Variants in WRN observed in about 807,000 individuals in gnomAD.
The protein encoded by WRN is WRN RecQ like helicase, also known as bifunctional 3'-5' exonuclease/ATP-dependent helicase WRN.
WRN carries 149 observed loss-of-function variants against 180.7 expected under a neutral mutation model. The ratio of observed to expected loss-of-function variants is 0.82; its 90% confidence interval spans 0.72 to 0.94. WRN has a LOEUF of 0.94. WRN is among the 40% of genes least tolerant of loss of function. The probability of loss-of-function intolerance (pLI) is 0.00; values close to 1 mark genes in which losing one functional copy is unlikely to be tolerated. For missense variants in WRN, 1,661 were observed against 1,700.1 expected (o/e 0.98, Z 0.40); for synonymous variants, 548 against 568.9 (o/e 0.96, Z 0.52).
intron 18 of WRN, among the ~76,000 whole-genome samples, chr8:31,103,167 GT>G (rs1800946531): frequency 6.6e-6 from 1 of 152,170 alleles, no homozygotes; most frequent in Admixed American, 6.5e-5. Flanking sequence ...GCTGTCATCT[GT>G]GATAACAATG....
intron 23 of WRN, among the ~76,000 whole-genome samples, chr8:31,128,118 C>T (rs1362968849): frequency 6.6e-6 from 1 of 151,344 alleles, no homozygotes; most frequent in Non-Finnish European, 1.5e-5. Flanking sequence ...CCAGCAAATA[C>T]ATAAAGCACA....
chr8:31,123,702 GTTTTC>G (rs1179251976), intron 21 of WRN, among the ~76,000 whole-genome samples: 1 of 151,802 alleles, frequency 6.6e-6, no homozygotes, highest in East Asian at 1.9e-4. Flanking sequence ...GTAAATCGTT[GTTTTC>G]TTTTGAAATA....
In WRN at chr8:31,173,029, T is replaced by C. The variant is rs1804161839; in HGVS notation, c.4226T>C (p.Val1409Ala). 6.2e-7 allele frequency: 1 copy of C among 1,613,982 alleles called. No homozygotes were observed. Among genetic ancestry groups the C allele is most frequent in the Non-Finnish European group, 8.5e-7 (1 of 1,179,962 alleles). ...GCAGAGAGAAAGAGACGATTACCTG[T>C]GTGGTTTGCCAAAGGAAGTGATACC... is the stretch of plus-strand genomic sequence containing the variant. ...SSAERKRRLP[V>A]WFAKGSDTSK... Residue 1409 changes from valine (V) to alanine (A), a missense_variant, in exon 35 of 35, where the codon GTG becomes GCG. Physicochemically the swap from Val to Ala is moderately conservative, Grantham distance 64. Coordinates refer to ENST00000298139, the MANE Select transcript of WRN (RefSeq NM_000553.6).
intron 17 of WRN, among the ~76,000 whole-genome samples, chr8:31,099,830 T>C (rs567350646): frequency 2.6e-5 from 4 of 152,314 alleles, no homozygotes; most frequent in African/African-American, 7.2e-5. Flanking sequence ...GTGAATGATA[T>C]AATTTAATTT....
intron 17 of WRN, among the ~76,000 whole-genome samples, chr8:31,100,148 A>G (rs1360211761): frequency 6.6e-6 from 1 of 152,226 alleles, no homozygotes; most frequent in Non-Finnish European, 1.5e-5. Context: ...AAATCTGAAA[A>G]CATTGTCACG....
chr8:31,034,888 A>G (rs972552439), intron 1 of WRN, among the ~76,000 whole-genome samples: 1 of 152,140 alleles, frequency 6.6e-6, no homozygotes, highest in Non-Finnish European at 1.5e-5. Flanking sequence ...AGCATATGGC[A>G]TTTTATGGCT....
At chr8:31,040,047 G>A (rs566992058) in intron 1 of WRN, among the ~76,000 whole-genome samples, 4 of 152,252 alleles carry the variant, frequency 2.6e-5, no homozygotes, top group African/African-American at 9.6e-5. Context: ...AGAGGAGGTC[G>A]AATTTTGGCT....
intron 33 of WRN, among the ~76,000 whole-genome samples, chr8:31,158,651 A>G (rs537549442): frequency 1.3e-5 from 2 of 152,216 alleles, no homozygotes; most frequent in South Asian, 4.1e-4. Flanking sequence ...TTGGAAGATC[A>G]CTCTCTGAAA....
chr8:31,106,056 C>T (rs898134289), intron 18 of WRN, among the ~76,000 whole-genome samples: 1 of 152,054 alleles, frequency 6.6e-6, no homozygotes, highest in African/African-American at 2.4e-5. Flanking sequence ...CTGCTCTTTC[C>T]TCACTCTCCT....
Position 31,157,447 on chromosome 8 carries a change from C to G in WRN, c.3899C>G (p.Pro1300Arg). The change falls in exon 33 of 35, where the codon CCC (proline) becomes CGC (arginine). Residue 1300 changes from proline (P) to arginine (R), a missense_variant. Pro to Arg is a moderately radical substitution (Grantham distance 103, BLOSUM62 -2). Coordinates refer to ENST00000298139, the MANE Select transcript of WRN (RefSeq NM_000553.6). ...TCCCAAGCGGTGAAAGCTGGCTGCC[C>G]CCTTGATTTGGAGCGAGCAGGCCTG... is the stretch of plus-strand genomic sequence containing the variant. ...HLSQAVKAGC[P>R]LDLERAGLTP... The G allele has an allele frequency of 1.2e-6, 2 of 1,614,070 alleles. No individual in the cohort carries two copies. The highest frequency in any genetic ancestry group is 1.7e-6 in the Non-Finnish European group (2 of 1,179,996).
intron 9 of WRN, among the ~76,000 whole-genome samples, chr8:31,082,062 A>G (rs1197404717): frequency 6.6e-6 from 1 of 152,174 alleles, no homozygotes; most frequent in African/African-American, 2.4e-5. Flanking sequence ...TGCCTGGCCC[A>G]GAATTTCTTT....
intron 22 of WRN, 52 bp from the exon 23 acceptor site, chr8:31,124,856 T>C: frequency 1.3e-6 from 2 of 1,528,504 alleles, no homozygotes; most frequent in African/African-American, 1.4e-5. Flanking sequence ...GGAATGAACT[T>C]AACATATACG....
intron 24 of WRN, among the ~76,000 whole-genome samples, chr8:31,132,757 T>TA (rs1237257403): frequency 1.3e-5 from 2 of 152,232 alleles, no homozygotes; most frequent in Non-Finnish European, 2.9e-5. Flanking sequence ...AGCATTGTGT[T>TA]AATTTATCAC....
intron 11 of WRN, among the ~76,000 whole-genome samples, chr8:31,086,589 TA>T (rs989440590): frequency 7.7e-4 from 111 of 143,946 alleles, no homozygotes; most frequent in Admixed American, 1.0e-3. Flanking sequence ...ATTAAAAAAT[TA>T]AAAAAAAAAA....
chr8:31,084,154 A>G (rs1457574965), intron 10 of WRN, among the ~76,000 whole-genome samples: 1 of 152,016 alleles, frequency 6.6e-6, no homozygotes, highest in African/African-American at 2.4e-5. Context: ...GTGCACCACC[A>G]TGCCCGGCTA....
chr8:31,141,780 A>G lies in WRN; in HGVS notation c.3233+5A>G, dbSNP rs1802648496. The G allele has an allele frequency of 1.2e-6, 2 of 1,612,874 alleles. No homozygotes were observed. Among genetic ancestry groups the G allele is most frequent in the Non-Finnish European group, 1.7e-6 (2 of 1,179,380 alleles). ...AAAGAAGTTGCTTCTGCCTAGGTTC[A>G]TTTTTCAGTTTTTTTCTTGTAACTT... On this transcript the variant is annotated splice_donor_5th_base_variant and intron_variant, in intron 26 of 34. Coordinates refer to ENST00000298139, the MANE Select transcript of WRN (RefSeq NM_000553.6).
At chr8:31,037,965 T>TTA (rs985884218) in intron 1 of WRN, among the ~76,000 whole-genome samples, 1 of 152,182 alleles carries the variant, frequency 6.6e-6, no homozygotes, top group Non-Finnish European at 1.5e-5. Context: ...TTTGTTTATA[T>TTA]TATATATATG....
At chr8:31,089,474 A>C (rs994395231) in intron 13 of WRN, among the ~76,000 whole-genome samples, 1 of 152,082 alleles carries the variant, frequency 6.6e-6, no homozygotes, top group Non-Finnish European at 1.5e-5. Flanking sequence ...AATAAAACTA[A>C]TAAGCCTGTG....
chr8:31,132,514 T>G lies in WRN; in HGVS notation c.2967+8T>G. The G allele has an allele frequency of 1.9e-6, 3 of 1,614,174 alleles. No individual in the cohort carries two copies. Among genetic ancestry groups the G allele is most frequent in the Non-Finnish European group, 2.5e-6 (3 of 1,180,026 alleles). Reference sequence around the variant, plus strand: ...TTATTTCTCCGAGGATCTGTAAGTATATATCTGTGAATTCCCTTCATAGAT... The same window carrying G: ...TTATTTCTCCGAGGATCTGTAAGTAGATATCTGTGAATTCCCTTCATAGAT... On this transcript the variant is annotated splice_region_variant and intron_variant, in intron 24 of 34. Coordinates refer to ENST00000298139, the MANE Select transcript of WRN (RefSeq NM_000553.6).
Sources: allele counts gnomAD v4.1 joint callset (sites outside exome capture counted in the v4.1 genomes callset), GRCh38; gene constraint gnomAD v4.1.1; transcripts MANE v1.5; gene names NCBI Gene and HGNC (gene_info 2026-07-23, HGNC 2026-07-21).